The following SST variants were observed in gnomAD, a reference collection of about 807,000 sequenced individuals.
The protein encoded by SST is somatostatin.
A neutral mutation model predicts 10.4 loss-of-function variants in SST; 7 were observed. The ratio of observed to expected loss-of-function variants is 0.67; its 90% CI spans 0.38 to 1.26. The LOEUF (loss-of-function observed/expected upper bound fraction) is 1.26. Ranked by LOEUF, SST falls within the 50% of genes most tolerant of loss-of-function variation. The probability of loss-of-function intolerance (pLI) is 0.02; values close to 1 mark genes in which losing one functional copy is unlikely to be tolerated. For synonymous variants in SST, 63 were observed against 63.9 expected, an observed-to-expected ratio of 0.99 and a Z score of 0.07; for missense variants, 145 against 140.8, an observed-to-expected ratio of 1.03 and a Z score of -0.15.
At position 187,669,101 on chromosome 3, in the gene SST, G is replaced by T; in HGVS notation, c.315C>A (p.Cys105Ter). The T allele has an allele frequency of 1.2e-6, 2 of 1,613,948 alleles. No homozygotes were observed. The highest frequency in any genetic ancestry group is 8.5e-7 in the Non-Finnish European group (1 of 1,179,988). ...AMAPRERKAG[C>*]KNFFWKTFTS... ...TGAAAGTCTTCCAGAAGAAATTCTTGCAGCCAGCTTTGCGTTCTCGGGGTG... is the reference window on the plus strand; with the variant it reads ...TGAAAGTCTTCCAGAAGAAATTCTTTCAGCCAGCTTTGCGTTCTCGGGGTG... The change falls in exon 2 of 2, where the codon TGC becomes TGA. Residue 105 changes from cysteine (C) to a stop codon, truncating the protein, a stop_gained. Coordinates refer to ENST00000287641, the MANE Select transcript of SST (RefSeq NM_001048.4). LOFTEE classifies it high-confidence loss of function.
Position 187,669,032 on chromosome 3 carries a change from G to A in SST, c.*33C>T. 6.2e-7 allele frequency: 1 copy of A among 1,606,230 alleles called. No homozygotes were observed. The highest frequency in any genetic ancestry group is 8.5e-7 in the Non-Finnish European group (1 of 1,172,926). On this transcript the variant is annotated 3_prime_UTR_variant, in exon 2 of 2. Transcript: ENST00000287641. ...GATGGGGTGTGGGGGCGAGGGATCA[G>A]AGGTCTGATATGGACAATACTAGTT...
rs778356662 is a variant in SST at position 187,669,048 on chromosome 3, A to G, written c.*17T>C. On this transcript the variant is annotated 3_prime_UTR_variant, in exon 2 of 2. Transcript: ENST00000287641. The stretch of plus-strand genomic sequence containing the variant: ...GAGGGATCAGAGGTCTGATATGGAC[A>G]ATACTAGTTAAGAAAGCTAACAGGA... 6 of 1,613,592 alleles carry G rather than the reference A, an allele frequency of 3.7e-6. No individual in the cohort carries two copies. In the Admixed American group the frequency reaches 1.0e-4, roughly 27 times the overall value.
At position 187,669,245 on chromosome 3, in the gene SST, C is replaced by G; in HGVS notation, c.171G>C (p.Leu57=). ...ELAKYFLAEL[L]SEPNQTENDA... ...CATTCTCCGTCTGGTTGGGTTCAGACAGCAGCTCTGCCAAGAAGTACTTGG... is the reference window on the plus strand; with the variant it reads ...CATTCTCCGTCTGGTTGGGTTCAGAGAGCAGCTCTGCCAAGAAGTACTTGG... The change falls in exon 2 of 2, where the codon CTG becomes CTC. Residue 57 remains leucine (L), a synonymous_variant. Coordinates refer to ENST00000287641, the MANE Select transcript of SST (RefSeq NM_001048.4). The G allele has an allele frequency of 6.2e-7, 1 of 1,613,864 alleles. No homozygotes were observed.
intron 1 of SST, among the ~76,000 whole-genome samples, chr3:187,669,529 A>AACACAC (rs57361717): frequency 0.083 from 12,146 of 147,134 alleles, 562 homozygotes; most frequent in East Asian, 0.13. Flanking sequence ...CTGTAGACTT[A>AACACAC]ACACACACAC....
In SST at chr3:187,669,188, A is replaced by T. The variant is rs749964867; in HGVS notation, c.228T>A (p.Ala76=). Residue 76 remains alanine, a synonymous_variant, in exon 2 of 2, where the codon GCT becomes GCA. Coordinates refer to ENST00000287641, the MANE Select transcript of SST (RefSeq NM_001048.4). ...DALEPEDLSQ[A]AEQDEMRLEL... ...CAAGCCTCATTTCATCCTGCTCAGC[A>T]GCCTGGGACAGATCTTCAGGTTCCA... 1 of 1,614,094 alleles carries T rather than the reference A, an allele frequency of 6.2e-7. No homozygotes were observed. The highest frequency in any genetic ancestry group is 8.5e-7 in the Non-Finnish European group (1 of 1,180,036).
rs542785367 is a variant in SST, at chr3:187,669,018, G to T, written c.*47C>A. 1.3e-6 allele frequency: 2 copies of T among 1,574,614 alleles called. No homozygotes were observed. Among genetic ancestry groups the T allele is most frequent in the East Asian group, 2.2e-5 (1 of 44,604 alleles). ...GATTAGGGAAGAGAGATGGGGTGTG[G>T]GGGCGAGGGATCAGAGGTCTGATAT... On this transcript the variant is annotated 3_prime_UTR_variant, in exon 2 of 2. Coordinates refer to ENST00000287641, the MANE Select transcript of SST (RefSeq NM_001048.4).
In SST at chr3:187,669,000, G is replaced by A. The variant is rs1579765538; in HGVS notation, c.*65C>T. The A allele has an allele frequency of 3.4e-6, 5 of 1,462,550 alleles. No individual in the cohort carries two copies. In the East Asian group the frequency reaches 9.1e-5, roughly 27 times the overall value. The allele number at this position is 1,462,550 out of a possible 1,614,324, so 90.6% of individuals were successfully genotyped here. ...CTCGCTGAAGACTTGGAGGATTAGGGAAGAGAGATGGGGTGTGGGGGCGAG... is the reference window on the plus strand; with the variant it reads ...CTCGCTGAAGACTTGGAGGATTAGGAAAGAGAGATGGGGTGTGGGGGCGAG... On this transcript the variant is annotated 3_prime_UTR_variant, in exon 2 of 2. Coordinates refer to ENST00000287641, the MANE Select transcript of SST (RefSeq NM_001048.4).
chr3:187,669,888 ACT>A (rs1717197156), intron 1 of SST, among the ~76,000 whole-genome samples: 1 of 152,132 alleles, frequency 6.6e-6, no homozygotes, highest in Admixed American at 6.5e-5. Context: ...TGCCCAGACA[ACT>A]ACCCAGATTT....
Position 187,670,249 on chromosome 3 carries a change from T to C in SST, c.43A>G (p.Ile15Val). ...RLQCALAALS[I>V]VLALGCVTGA... is the part of the protein sequence containing the mutation. ...GTGACACAGCCCAGGGCCAGGACGA[T>C]GGACAGCGCAGCCAGCGCGCACTGG... Residue 15 changes from isoleucine to valine, a missense_variant, in exon 1 of 2, where the codon ATC (isoleucine) becomes GTC (valine). By Grantham distance (29) the Ile-to-Val change is conservative. Transcript: ENST00000287641. 6.3e-7 allele frequency: 1 copy of C among 1,594,808 alleles called. No individual in the cohort carries two copies. Among genetic ancestry groups the C allele is most frequent in the Non-Finnish European group, 8.5e-7 (1 of 1,170,752 alleles).
At chr3:187,669,559 A>ACGC (rs1553826038) in intron 1 of SST, among the ~76,000 whole-genome samples, 15 of 145,318 alleles carry the variant, frequency 1.0e-4, no homozygotes, top group Non-Finnish European at 1.5e-4. Flanking sequence ...CACACGCACA[A>ACGC]ACACACACAC....
chr3:187,669,116 T>A lies in SST; in HGVS notation c.300A>T (p.Glu100Asp). Reference sequence around the variant, plus strand: ...AGAAATTCTTGCAGCCAGCTTTGCGTTCTCGGGGTGCCATAGCCGGGTTTG... The same window carrying A: ...AGAAATTCTTGCAGCCAGCTTTGCGATCTCGGGGTGCCATAGCCGGGTTTG... The part of the protein sequence containing the change: ...ANSNPAMAPR[E>D]RKAGCKNFFW... Residue 100 changes from glutamate to aspartate, a missense_variant, in exon 2 of 2, where the codon GAA becomes GAT. Transcript: ENST00000287641. 1 of 1,613,930 alleles carries A rather than the reference T, an allele frequency of 6.2e-7. No individual in the cohort carries two copies. Among genetic ancestry groups the A allele is most frequent in the Non-Finnish European group, 8.5e-7 (1 of 1,180,012 alleles).
At position 187,670,175 on chromosome 3, in the gene SST, C is replaced by A; in HGVS notation, c.117G>T (p.Leu39=). The stretch of plus-strand genomic sequence containing the variant: ...TTACCTGCTTCCCCGCGGCAGCAGC[C>A]AGGGACTTCTGCAGAAACTGACGGA... The part of the protein sequence containing the change: ...PRLRQFLQKS[L]AAAAGKQELA... Residue 39 remains leucine (L), a synonymous_variant, in exon 1 of 2, where the codon CTG becomes CTT. Coordinates refer to ENST00000287641, the MANE Select transcript of SST (RefSeq NM_001048.4). 1 of 1,592,126 alleles carries A rather than the reference C, an allele frequency of 6.3e-7. No homozygotes were observed. Among genetic ancestry groups the A allele is most frequent in the Non-Finnish European group, 8.6e-7 (1 of 1,169,530 alleles).
In SST at chr3:187,670,271, C is replaced by G; in HGVS notation, c.21G>C (p.Gln7His). 1 of 1,590,424 alleles carries G rather than the reference C, an allele frequency of 6.3e-7. No homozygotes were observed. Among genetic ancestry groups the G allele is most frequent in the Non-Finnish European group, 8.6e-7 (1 of 1,168,368 alleles). The change falls in exon 1 of 2, where the codon CAG (glutamine) becomes CAC (histidine). Residue 7 changes from glutamine to histidine, a missense_variant. Physicochemically the swap from Gln to His is conservative, Grantham distance 24. Transcript: ENST00000287641. ...CGATGGACAGCGCAGCCAGCGCGCA[C>G]TGGAGGCGGCAGGACAGCATCTCGG... MLSCRL[Q>H]CALAALSIVL...
rs1170794636 is a variant in SST at position 187,670,288 on chromosome 3, G to A, written c.4C>T (p.Leu2=). The change falls in exon 1 of 2, where the codon CTG becomes TTG. Residue 2 remains leucine, a synonymous_variant. Coordinates refer to ENST00000287641, the MANE Select transcript of SST (RefSeq NM_001048.4). ...AGCGCGCACTGGAGGCGGCAGGACAGCATCTCGGCGCCGCGAAAGCCGAGC... is the reference window on the plus strand; with the variant it reads ...AGCGCGCACTGGAGGCGGCAGGACAACATCTCGGCGCCGCGAAAGCCGAGC... M[L]SCRLQCALAA... 1.3e-5 allele frequency: 21 copies of A among 1,579,974 alleles called. No homozygotes were observed. The highest frequency in any genetic ancestry group is 1.8e-5 in the Non-Finnish European group (21 of 1,162,716).
In SST at chr3:187,670,239, G is replaced by T; in HGVS notation, c.53C>A (p.Ala18Asp). Residue 18 changes from alanine (A) to aspartate (D), a missense_variant, in exon 1 of 2, where the codon GCC (alanine) becomes GAC (aspartate). By Grantham distance (126) the Ala-to-Asp change is moderately radical (BLOSUM62 -2). Transcript: ENST00000287641. ...CALAALSIVL[A>D]LGCVTGAPSD... ...GGGAGCGCCGGTGACACAGCCCAGG[G>T]CCAGGACGATGGACAGCGCAGCCAG... 1 of 1,595,878 alleles carries T rather than the reference G, an allele frequency of 6.3e-7. No individual in the cohort carries two copies. The highest frequency in any genetic ancestry group is 8.5e-7 in the Non-Finnish European group (1 of 1,171,310).
chr3:187,670,022 G>T, intron 1 of SST, 132 bp downstream of exon 1: 1 of 954,444 alleles, frequency 1.0e-6, no homozygotes, highest in Admixed American at 2.9e-5. Context: ...AGAGCTTCGG[G>T]AGCTGAGGGA....
At chr3:187,669,565 C>CACACACACACACACACGCACAA (rs1717189970) in intron 1 of SST, among the ~76,000 whole-genome samples, 1 of 111,932 alleles carries the variant, frequency 8.9e-6, no homozygotes, top group Non-Finnish European at 1.9e-5. Context: ...CACAAACACA[C>CACACACACACACACACGCACAA]ACACACACAC....
chr3:187,669,794 T>C (rs1717194769), intron 1 of SST, among the ~76,000 whole-genome samples: 1 of 152,096 alleles, frequency 6.6e-6, no homozygotes, highest in Admixed American at 6.5e-5. Flanking sequence ...CGCTAAGAGG[T>C]AGCAGCTTCA....
chr3:187,670,230 C>G lies in SST; in HGVS notation c.62G>C (p.Cys21Ser). The G allele has an allele frequency of 6.3e-7, 1 of 1,596,010 alleles. No homozygotes were observed. Among genetic ancestry groups the G allele is most frequent in the South Asian group, 1.1e-5 (1 of 87,948 alleles). ...GGGGTCCGAGGGAGCGCCGGTGACA[C>G]AGCCCAGGGCCAGGACGATGGACAG... ...AALSIVLALG[C>S]VTGAPSDPRL... The change falls in exon 1 of 2, where the codon TGT becomes TCT. Residue 21 changes from cysteine (C) to serine (S), a missense_variant. Cys to Ser is a moderately radical substitution (Grantham distance 112). Transcript: ENST00000287641.
Sources: gnomAD v4.1 joint callset for allele counts (sites outside exome capture counted in the v4.1 genomes callset) on GRCh38, gnomAD v4.1.1 for gene constraint, MANE v1.5 for transcripts, NCBI Gene and HGNC (gene_info 2026-07-23, HGNC 2026-07-21) for gene names.